REDIC1: variants seen among roughly 807,000 people sequenced by gnomAD.
REDIC1 encodes the protein HEI10 Interacting Protein 1.
the REDIC1 span, among the ~76,000 whole-genome samples, chr12:39,712,607 G>T: frequency 7.7e-5 from 11 of 143,212 alleles, no homozygotes; most frequent in Admixed American, 1.4e-4. Context: ...ACATATATAT[G>T]TATATATAGA....
chr12:39,863,146 ATAAAGGTAGGCTGTATCACTTCTCT>A, the REDIC1 span, among the ~76,000 whole-genome samples: 2 of 152,156 alleles, frequency 1.3e-5, no homozygotes, highest in Non-Finnish European at 2.9e-5. Flanking sequence ...TGTAATAAGA[ATAAAGGTAGGCTGTATCACTTCTCT>A]TACCTCATTA....
At chr12:39,839,246 A>T in the REDIC1 span, among the ~76,000 whole-genome samples, 1 of 152,032 alleles carries the variant, frequency 6.6e-6, no homozygotes, top group Non-Finnish European at 1.5e-5. Flanking sequence ...TGAAGGACAG[A>T]TTCCTATATC....
At chr12:39,766,036 A>G in the REDIC1 span, among the ~76,000 whole-genome samples, 3 of 152,018 alleles carry the variant, frequency 2.0e-5, no homozygotes, top group Non-Finnish European at 2.9e-5. Flanking sequence ...TTAATCTCCA[A>G]CACTACAGAG....
chr12:39,646,900 A>T, the REDIC1 span: 73 of 1,564,580 alleles, frequency 4.7e-5, no homozygotes, highest in Non-Finnish European at 5.8e-5. Flanking sequence ...TGAGATTTTT[A>T]AAAAAATTCT....
the REDIC1 span, among the ~76,000 whole-genome samples, chr12:39,710,403 A>G: frequency 1.3e-5 from 2 of 151,734 alleles, no homozygotes; most frequent in Non-Finnish European, 2.9e-5. Flanking sequence ...CTCTATCCCA[A>G]TTTCACAGCT....
chr12:39,827,063 T>C, the REDIC1 span, among the ~76,000 whole-genome samples: 2 of 151,736 alleles, frequency 1.3e-5, no homozygotes, highest in South Asian at 4.2e-4. Context: ...TCTCTGACTG[T>C]CCTCCTGTAT....
chr12:39,809,663 C>G, the REDIC1 span, among the ~76,000 whole-genome samples: 1 of 152,156 alleles, frequency 6.6e-6, no homozygotes, highest in African/African-American at 2.4e-5. Context: ...CCCATCCCCC[C>G]ACCCCACAAC....
the REDIC1 span, among the ~76,000 whole-genome samples, chr12:39,688,451 C>G: frequency 6.6e-6 from 1 of 152,076 alleles, no homozygotes; most frequent in East Asian, 1.9e-4. Context: ...TTTCAAGTAC[C>G]TTGTTTCATT....
At chr12:39,889,660 G>A in the REDIC1 span, among the ~76,000 whole-genome samples, 4 of 150,706 alleles carry the variant, frequency 2.7e-5, no homozygotes, top group East Asian at 7.9e-4. Context: ...AGTCTCCTGA[G>A]TAGCTGGGAC....
the REDIC1 span, among the ~76,000 whole-genome samples, chr12:39,745,599 T>C: frequency 6.6e-6 from 1 of 152,350 alleles, no homozygotes; most frequent in African/African-American, 2.4e-5. Flanking sequence ...AATGGAATAA[T>C]TATAAAATGC....
At chr12:39,646,233 GAT>G in the REDIC1 span, 1 of 367,844 alleles carries the variant, frequency 2.7e-6, no homozygotes, top group Non-Finnish European at 4.7e-6. Context: ...AAATTTCTTA[GAT>G]ATATGTTTAT....
the REDIC1 span, among the ~76,000 whole-genome samples, chr12:39,729,017 C>A: frequency 6.7e-6 from 1 of 149,916 alleles, no homozygotes; most frequent in Non-Finnish European, 1.5e-5. Context: ...TCCCCTTTAT[C>A]ATTTTTTGTT....
At chr12:39,814,501 T>C in the REDIC1 span, among the ~76,000 whole-genome samples, 1 of 152,172 alleles carries the variant, frequency 6.6e-6, no homozygotes, top group Non-Finnish European at 1.5e-5. Context: ...ACTGTTATAA[T>C]TGTATACAAT....
chr12:39,644,153 T>G, the REDIC1 span, among the ~76,000 whole-genome samples: 6 of 151,842 alleles, frequency 4.0e-5, no homozygotes, highest in African/African-American at 1.4e-4. Flanking sequence ...TAGGTGTCAC[T>G]AAACTTATTA....
At chr12:39,838,559 A>T in the REDIC1 span, among the ~76,000 whole-genome samples, 914 of 151,660 alleles carry the variant, frequency 6.0e-3, 11 homozygotes, top group African/African-American at 0.021. Context: ...AAAGGGGAAA[A>T]GTAAGTATTC....
chr12:39,706,883 A>G, the REDIC1 span, among the ~76,000 whole-genome samples: 1 of 152,056 alleles, frequency 6.6e-6, no homozygotes, highest in African/African-American at 2.4e-5. Flanking sequence ...TAAATCTAAG[A>G]CTTTGAACTA....
chr12:39,783,131 T>C, the REDIC1 span, among the ~76,000 whole-genome samples: 10 of 152,322 alleles, frequency 6.6e-5, no homozygotes, highest in African/African-American at 2.4e-4. Context: ...TTTGGTTTTA[T>C]GTCCTTGTGA....
chr12:39,682,917 T>C, the REDIC1 span: 15 of 1,612,994 alleles, frequency 9.3e-6, no homozygotes, highest in African/African-American at 1.3e-5. Flanking sequence ...GAGATACTTG[T>C]GTAGTCACTA....
chr12:39,782,409 C>T, the REDIC1 span, among the ~76,000 whole-genome samples: 1 of 152,126 alleles, frequency 6.6e-6, no homozygotes, highest in Non-Finnish European at 1.5e-5. Context: ...ATGGGTTTGT[C>T]AGGGGTTTCT....
Sources: allele counts gnomAD v4.1 joint callset (sites outside exome capture counted in the v4.1 genomes callset), GRCh38; gene constraint gnomAD v4.1.1; transcripts MANE v1.5; gene names NCBI Gene and HGNC (gene_info 2026-07-23, HGNC 2026-07-21).